The following GRM8 variants were observed in gnomAD, a reference collection of about 807,000 sequenced individuals.
GRM8 encodes the protein glutamate metabotropic receptor 8, also known as metabotropic glutamate receptor 8.
In GRM8, 47 loss-of-function variants were observed where a neutral mutation model predicts 87.2. That is an observed-to-expected ratio of 0.54 (90% CI 0.43 to 0.69). GRM8 has a LOEUF of 0.69. Among genes scored for constraint, GRM8 ranks in the 30% least tolerant of loss-of-function variants. The probability of loss-of-function intolerance (pLI) is 0.00; values close to 1 mark genes in which losing one functional copy is unlikely to be tolerated. For missense variants in GRM8, 1,019 were observed against 1,139.2 expected, an observed-to-expected ratio of 0.89 and a Z score of 1.52; for synonymous variants, 396 against 404.5, an observed-to-expected ratio of 0.98 and a Z score of 0.25.
chr7:127,240,423 G>T, intron 2 of GRM8, among the ~76,000 whole-genome samples: 1 of 32,904 alleles, frequency 3.0e-5, no homozygotes, highest in Non-Finnish European at 8.1e-5. Context: ...TGATTCTATG[G>T]CAAAAAAAAA....
At chr7:127,111,928 T>C (rs1261658028) in intron 2 of GRM8, among the ~76,000 whole-genome samples, 1 of 151,696 alleles carries the variant, frequency 6.6e-6, no homozygotes, top group Non-Finnish European at 1.5e-5. Context: ...CTCAGGAGGC[T>C]GAGACAAGAG....
intron 3 of GRM8, among the ~76,000 whole-genome samples, chr7:127,062,568 T>C (rs895969209): frequency 6.6e-6 from 1 of 152,202 alleles, no homozygotes; most frequent in Non-Finnish European, 1.5e-5. Context: ...ACATTGTATA[T>C]AAGAAATACT....
chr7:126,858,186 G>C (rs1797851019), intron 6 of GRM8, among the ~76,000 whole-genome samples: 1 of 152,184 alleles, frequency 6.6e-6, no homozygotes, highest in East Asian at 1.9e-4. Flanking sequence ...GGAAGTGATA[G>C]AACTTGCAAG....
intron 3 of GRM8, among the ~76,000 whole-genome samples, chr7:126,966,782 GATGTTC>G (rs1366052255): frequency 2.6e-5 from 4 of 152,058 alleles, no homozygotes; most frequent in African/African-American, 4.8e-5. Flanking sequence ...CTCGCTCCTA[GATGTTC>G]AGAAAAAAAT....
intron 2 of GRM8, among the ~76,000 whole-genome samples, chr7:127,173,691 G>A (rs1793944493): frequency 6.6e-6 from 1 of 152,122 alleles, no homozygotes; most frequent in Non-Finnish European, 1.5e-5. Flanking sequence ...GGAGCGATAT[G>A]GGGTGGCCCA....
chr7:126,841,622 T>C (rs1213616114), intron 6 of GRM8, among the ~76,000 whole-genome samples: 4 of 151,938 alleles, frequency 2.6e-5, no homozygotes, highest in Non-Finnish European at 5.9e-5. Flanking sequence ...TTTTTATTTA[T>C]TGGATTATTA....
chr7:127,135,536 G>A (rs1246242478), intron 2 of GRM8, among the ~76,000 whole-genome samples: 1 of 116,654 alleles, frequency 8.6e-6, no homozygotes, highest in Non-Finnish European at 1.8e-5. Context: ...AGGCTAGTTA[G>A]AAAGTCAGAG....
intron 6 of GRM8, among the ~76,000 whole-genome samples, chr7:126,882,963 T>A (rs1398095396): frequency 6.6e-6 from 1 of 152,196 alleles, no homozygotes; most frequent in African/African-American, 2.4e-5. Context: ...ATAAGACAGT[T>A]TGATCAAAAT....
intron 6 of GRM8, among the ~76,000 whole-genome samples, chr7:126,824,881 A>G (rs1189740844): frequency 6.6e-6 from 1 of 152,206 alleles, no homozygotes; most frequent in African/African-American, 2.4e-5. Flanking sequence ...GTAAAATTAA[A>G]GAAGGAAGGA....
chr7:127,089,213 A>T (rs139127884), intron 3 of GRM8, among the ~76,000 whole-genome samples: 258 of 152,344 alleles, frequency 1.7e-3, no homozygotes, highest in African/African-American at 5.8e-3. Flanking sequence ...GTGATGTGAC[A>T]ATGAAGCCAG....
intron 8 of GRM8, 131 bp from the exon 9 acceptor site, chr7:126,534,018 T>A (rs996289490): frequency 8.8e-6 from 6 of 679,488 alleles, no homozygotes; most frequent in Non-Finnish European, 1.5e-5. Flanking sequence ...AAGAGTCTCG[T>A]TTTTTTTCCC....
intron 7 of GRM8, among the ~76,000 whole-genome samples, chr7:126,640,651 T>G (rs533776787): frequency 3.7e-4 from 56 of 152,272 alleles, no homozygotes; most frequent in South Asian, 3.3e-3. Flanking sequence ...TAAAGCTGTC[T>G]GGTTGGATTT....
intron 8 of GRM8, among the ~76,000 whole-genome samples, chr7:126,583,786 C>T (rs181706193): frequency 1.3e-5 from 2 of 152,258 alleles, no homozygotes; most frequent in East Asian, 1.9e-4. Context: ...ACAGAATCTA[C>T]TCCTGCTGAC....
chr7:126,598,420 A>T (rs916265099), intron 8 of GRM8, among the ~76,000 whole-genome samples: 2 of 152,072 alleles, frequency 1.3e-5, no homozygotes, highest in African/African-American at 4.8e-5. Context: ...TAGTAACAAG[A>T]TTACTTCACC....
At chr7:127,166,897 C>T (rs1275456951) in intron 2 of GRM8, among the ~76,000 whole-genome samples, 2 of 152,080 alleles carry the variant, frequency 1.3e-5, no homozygotes, top group African/African-American at 2.4e-5. Flanking sequence ...TCTGGTGTAA[C>T]TTATTTTAAT....
At chr7:127,247,257 G>A (rs936322768) in intron 1 of GRM8, among the ~76,000 whole-genome samples, 31 of 152,150 alleles carry the variant, frequency 2.0e-4, no homozygotes, top group African/African-American at 5.6e-4. Context: ...GATGTCAGGT[G>A]GAACACACCC....
At chr7:126,657,814 C>T (rs955097741) in intron 7 of GRM8, among the ~76,000 whole-genome samples, 1 of 145,540 alleles carries the variant, frequency 6.9e-6, no homozygotes, top group Admixed American at 6.9e-5. Flanking sequence ...AGTGGGGAAA[C>T]CCACAGAGGA....
At chr7:126,906,921 T>A (rs532488571) in intron 3 of GRM8, among the ~76,000 whole-genome samples, 158 of 152,308 alleles carry the variant, frequency 1.0e-3, no homozygotes, top group Non-Finnish European at 1.7e-3. Context: ...TCAGTAAATA[T>A]TTCTTGAGTG....
intron 7 of GRM8, among the ~76,000 whole-genome samples, chr7:126,663,210 T>C (rs963270433): frequency 2.0e-5 from 3 of 152,086 alleles, no homozygotes; most frequent in South Asian, 2.1e-4. Context: ...TTCCACCAGA[T>C]AGACAAAGAA....
Sources: gnomAD v4.1 joint callset for allele counts (sites outside exome capture counted in the v4.1 genomes callset) on GRCh38, gnomAD v4.1.1 for gene constraint, MANE v1.5 for transcripts, NCBI Gene and HGNC (gene_info 2026-07-23, HGNC 2026-07-21) for gene names.